Variants in MAP2K1 observed in about 807,000 individuals in gnomAD.
The protein encoded by MAP2K1 is dual specificity mitogen-activated protein kinase kinase 1.
A neutral mutation model predicts 46.3 loss-of-function variants in MAP2K1; 16 were observed. That is an observed-to-expected ratio of 0.35 (90% CI 0.23 to 0.52). MAP2K1 has a LOEUF of 0.52. Among genes scored for constraint, MAP2K1 ranks in the 20% least tolerant of loss-of-function variants. The pLI is 0.94. For synonymous variants in MAP2K1, 183 were observed against 185.6 expected (o/e 0.99, Z 0.11); for missense variants, 263 against 497.1 (o/e 0.53, Z 4.48).
rs34599278 is a variant in MAP2K1, at chr15:66,394,459, CT to C, written c.80+7053del. 2.3e-3 allele frequency among the ~76,000 whole-genome samples: 290 copies of C among 125,482 alleles called. 1 individual carries two copies. Among genetic ancestry groups the C allele is most frequent in the East Asian group, 5.8e-3 (26 of 4,484 alleles). The allele number at this position is 125,482 out of a possible 152,430, so 82.3% of individuals were successfully genotyped here. A position where few individuals can be genotyped will look rare whatever the true frequency, so the allele number is the denominator to read the frequency against. On this transcript the variant is annotated intron_variant, in intron 1 of 10. Coordinates refer to ENST00000307102, the MANE Select transcript of MAP2K1 (RefSeq NM_002755.4). ...TGTGTACCATGATGATAACCAGGAA[CT>C]TTTTTTTTTTTTTTTTTTTTGAGAG...
intron 1 of MAP2K1, among the ~76,000 whole-genome samples, chr15:66,411,010 A>G (rs2093410056): frequency 6.6e-6 from 1 of 152,162 alleles, no homozygotes; most frequent in Non-Finnish European, 1.5e-5. Context: ...CTTCTGTGGG[A>G]CAGAAGCTTT....
chr15:66,471,147 T>C (rs970607806), intron 5 of MAP2K1, among the ~76,000 whole-genome samples: 4 of 152,242 alleles, frequency 2.6e-5, no homozygotes, highest in African/African-American at 9.6e-5. Context: ...CCAGCTTGAC[T>C]TTTCCCTTTA....
Position 66,487,290 on chromosome 15 carries a change from G to A in MAP2K1, c.958G>A (p.Glu320Lys), listed in dbSNP as rs2140679092. ...IFELLDYIVNEPPPKLPSGVF... is the reference protein window; with the variant it reads ...IFELLDYIVNKPPPKLPSGVF... ...TGAGTTGTTGGATTACATAGTCAACGAGGTAAGTACTGCCTGGTTTCCTTC... is the reference window on the plus strand; with the variant it reads ...TGAGTTGTTGGATTACATAGTCAACAAGGTAAGTACTGCCTGGTTTCCTTC... Residue 320 changes from glutamate to lysine, a missense_variant and splice_region_variant, in exon 8 of 11, where the codon GAG (glutamate) becomes AAG (lysine). Coordinates refer to ENST00000307102, the MANE Select transcript of MAP2K1 (RefSeq NM_002755.4). 6.2e-7 allele frequency: 1 copy of A among 1,613,952 alleles called. No individual in the cohort carries two copies. Among genetic ancestry groups the A allele is most frequent in the Non-Finnish European group, 8.5e-7 (1 of 1,179,818 alleles).
rs17201019 is a variant in MAP2K1, at chr15:66,443,548, G to A, written c.516+191G>A. ...TCTCTCTCACATTAGAATGAGAAAA[G>A]TGACTTTCTTTATATTAAAATCTGT... On this transcript the variant is annotated intron_variant, in intron 4 of 10. Coordinates refer to ENST00000307102, the MANE Select transcript of MAP2K1 (RefSeq NM_002755.4). Among the ~76,000 whole-genome samples, 20,489 of 146,712 alleles carry A rather than the reference G, an allele frequency of 0.14. 1,422 individuals are homozygous for A. Among genetic ancestry groups the A allele is most frequent in the Non-Finnish European group, 0.15 (10,048 of 66,940 alleles).
At chr15:66,395,453 C>T (rs1369452466) in intron 1 of MAP2K1, among the ~76,000 whole-genome samples, 2 of 151,858 alleles carry the variant, frequency 1.3e-5, no homozygotes, top group East Asian at 3.9e-4. Flanking sequence ...CCACTTACCA[C>T]TTTCTTTACT....
rs181030135 is a variant in MAP2K1 at position 66,421,438 on chromosome 15, A to G, written c.81-13589A>G. 8.7e-4 allele frequency among the ~76,000 whole-genome samples: 132 copies of G among 151,708 alleles called. 1 individual carries two copies. In the East Asian group the frequency reaches 0.023, roughly 26 times the overall value. On this transcript the variant is annotated intron_variant, in intron 1 of 10. Coordinates refer to ENST00000307102, the MANE Select transcript of MAP2K1 (RefSeq NM_002755.4). ...TGAGCCACCTTGCCTGGCCTGGCTT[A>G]TAATCTTTTTTTTTTTTCCTTAAGT...
chr15:66,455,224 C>T (rs1892136637), intron 5 of MAP2K1, among the ~76,000 whole-genome samples: 2 of 152,162 alleles, frequency 1.3e-5, no homozygotes, highest in African/African-American at 4.8e-5. Flanking sequence ...GTTGATAGTC[C>T]ATTGCCTAGT....
chr15:66,396,376 T>A (rs568965795), intron 1 of MAP2K1, among the ~76,000 whole-genome samples: 1 of 151,874 alleles, frequency 6.6e-6, no homozygotes, highest in South Asian at 2.1e-4. Flanking sequence ...CCTCCCACAT[T>A]TTCCTGCCTC....
chr15:66,481,785 C>T lies in MAP2K1; in HGVS notation c.599C>T (p.Ser200Phe), dbSNP rs2140667473. The T allele has an allele frequency of 6.2e-7, 1 of 1,613,438 alleles. No individual in the cohort carries two copies. Among genetic ancestry groups the T allele is most frequent in the South Asian group, 1.1e-5 (1 of 91,046 alleles). The change falls in exon 6 of 11, where the codon TCC (serine) becomes TTC (phenylalanine). Residue 200 changes from serine to phenylalanine, a missense_variant. Ser to Phe is a radical substitution (Grantham distance 155). Around this residue, in one of 4 missense-constraint regions of MAP2K1, gnomAD observed 103 missense variants for 221.6 expected, o/e 0.46. Transcript: ENST00000307102. ...AAGCCCTCCAACATCCTAGTCAACTCCCGTGGGGAGATCAAGCTCTGTGAC... is the reference window on the plus strand; with the variant it reads ...AAGCCCTCCAACATCCTAGTCAACTTCCGTGGGGAGATCAAGCTCTGTGAC... Reference protein sequence around the residue: ...DVKPSNILVNSRGEIKLCDFG... With the variant: ...DVKPSNILVNFRGEIKLCDFG...
chr15:66,414,708 T>G lies in MAP2K1; in HGVS notation c.81-20319T>G, dbSNP rs1220146590. ...TTTACTCACTGCAGGTTAGGCTGTA[T>G]TACATGGCTCAGAGCCCCAACCTTG... On this transcript the variant is annotated intron_variant, in intron 1 of 10. Transcript: ENST00000307102. 3.3e-5 allele frequency among the ~76,000 whole-genome samples: 5 copies of G among 152,162 alleles called. No individual in the cohort carries two copies. In the East Asian group the frequency reaches 9.6e-4, roughly 29 times the overall value.
chr15:66,472,638 G>T (rs917448520), intron 5 of MAP2K1, among the ~76,000 whole-genome samples: 1 of 152,232 alleles, frequency 6.6e-6, no homozygotes, highest in Non-Finnish European at 1.5e-5. Context: ...TTGCCCCAAA[G>T]AAGTATGTGT....
intron 1 of MAP2K1, among the ~76,000 whole-genome samples, chr15:66,424,442 G>A (rs1038514837): frequency 6.6e-6 from 1 of 152,200 alleles, no homozygotes; most frequent in Non-Finnish European, 1.5e-5. Context: ...TCAGAAATGG[G>A]CATGCTTTTC....
chr15:66,401,814 G>A (rs990840105), intron 1 of MAP2K1: 4 of 529,240 alleles, frequency 7.6e-6, no homozygotes, highest in African/African-American at 7.5e-5. Flanking sequence ...TGGGAATGGA[G>A]GGGCGTGGCA....
chr15:66,485,085 CCCT>C lies in MAP2K1; in HGVS notation c.795_797del (p.Pro266del). On this transcript the variant is annotated inframe_deletion, in exon 7 of 11. Transcript: ENST00000307102. ...AGATGGCGGTTGGGAGGTATCCCAT[CCCT>C]CCTCCAGATGCCAAGGAGCTGGAGC... The C allele has an allele frequency of 1.9e-6, 3 of 1,613,868 alleles. No homozygotes were observed. Among genetic ancestry groups the C allele is most frequent in the Non-Finnish European group, 2.5e-6 (3 of 1,179,908 alleles).
chr15:66,428,443 G>A (rs988005079), intron 1 of MAP2K1, among the ~76,000 whole-genome samples: 1 of 152,094 alleles, frequency 6.6e-6, no homozygotes, highest in African/African-American at 2.4e-5. Context: ...AGGGTTGCAT[G>A]CGGTTCAAGT....
At chr15:66,444,557 T>C in intron 4 of MAP2K1, 99 bp from the exon 5 acceptor site, 1 of 927,522 alleles carries the variant, frequency 1.1e-6, no homozygotes, top group Admixed American at 1.8e-5. Context: ...AAATTTGTGA[T>C]GATGATAAAT....
Position 66,387,474 on chromosome 15 carries a change from C to G in MAP2K1, c.80+47C>G. The G allele has an allele frequency of 2.6e-6, 4 of 1,534,672 alleles. No individual in the cohort carries two copies. The South Asian group carries it at 4.8e-5, about 18-fold the overall frequency. On this transcript the variant is annotated intron_variant, in intron 1 of 10. Coordinates refer to ENST00000307102, the MANE Select transcript of MAP2K1 (RefSeq NM_002755.4). ...AACCTCGGGGCCCGGCTGGGGAGGC[C>G]CGAGCCGGGGAGCAGGAGCGCGCGC... is the stretch of plus-strand genomic sequence containing the variant.
At chr15:66,427,672 T>C (rs2093462666) in intron 1 of MAP2K1, among the ~76,000 whole-genome samples, 2 of 152,260 alleles carry the variant, frequency 1.3e-5, no homozygotes, top group East Asian at 1.9e-4. Context: ...ATGTGTTTAC[T>C]ACTGTTAGCC....
intron 9 of MAP2K1, 156 bp from the exon 10 acceptor site, chr15:66,489,562 T>TA (rs1893169661): frequency 1.3e-6 from 1 of 756,656 alleles, no homozygotes; most frequent in East Asian, 2.5e-5. Context: ...TGTATTAACT[T>TA]ACTGTGGGCA....
Sources: allele counts gnomAD v4.1 joint callset (sites outside exome capture counted in the v4.1 genomes callset), GRCh38; gene constraint gnomAD v4.1.1; regional missense constraint gnomAD v4.1.1; transcripts MANE v1.5; gene names NCBI Gene and HGNC (gene_info 2026-07-23, HGNC 2026-07-21).